The following MINDY2 variants were observed in gnomAD, a reference collection of about 807,000 sequenced individuals.
The protein encoded by MINDY2 is ubiquitin carboxyl-terminal hydrolase MINDY-2.
In MINDY2, 52 loss-of-function variants were observed where a neutral mutation model predicts 68.2. That is an observed-to-expected ratio of 0.76 (90% CI 0.61 to 0.96). MINDY2 has a LOEUF of 0.96. Ranked by LOEUF, MINDY2 falls within the 40% of genes least tolerant of loss-of-function variation. The pLI is 0.00. For missense variants in MINDY2, 881 were observed against 773.4 expected, an observed-to-expected ratio of 1.14 and a Z score of -1.65; for synonymous variants, 372 against 303.0, an observed-to-expected ratio of 1.23 and a Z score of -2.36.
intron 5 of MINDY2, among the ~76,000 whole-genome samples, chr15:58,831,041 G>GTGTGTGTATATATATATATATATATATA (rs565786025): frequency 1.8e-4 from 22 of 124,908 alleles, no homozygotes; most frequent in South Asian, 7.5e-4. Flanking sequence ...GTGTGTGTGT[G>GTGTGTGTATATATATATATATATATATA]TATATATATA....
chr15:58,825,311 T>G (rs2031322808), intron 5 of MINDY2, among the ~76,000 whole-genome samples: 1 of 152,214 alleles, frequency 6.6e-6, no homozygotes, highest in Admixed American at 6.5e-5. Context: ...GCCTTATAAG[T>G]AAAGGTGCAG....
At chr15:58,787,803 A>G (rs1280670299) in intron 1 of MINDY2, 103 bp from the exon 2 acceptor site, 7 of 646,990 alleles carry the variant, frequency 1.1e-5, no homozygotes, top group Non-Finnish European at 1.6e-5. Context: ...GTATAAGTAT[A>G]GTAGATACAT....
chr15:58,810,531 G>C, intron 4 of MINDY2, 143 bp downstream of exon 4: 1 of 737,178 alleles, frequency 1.4e-6, no homozygotes, highest in East Asian at 3.0e-5. Flanking sequence ...GTTAAGAACA[G>C]AGTCCTCCAG....
chr15:58,802,238 A>G (rs1307499557), intron 2 of MINDY2, 75 bp from the exon 3 acceptor site: 17 of 940,430 alleles, frequency 1.8e-5, no homozygotes, highest in Non-Finnish European at 2.6e-5. Context: ...ATTTATAATT[A>G]AGATCTATTA....
At chr15:58,834,661 G>A (rs527421477) in intron 6 of MINDY2, among the ~76,000 whole-genome samples, 4 of 152,146 alleles carry the variant, frequency 2.6e-5, no homozygotes, top group African/African-American at 9.6e-5. Flanking sequence ...GCCCTTATTG[G>A]TTAATACCTA....
Position 58,821,766 on chromosome 15 carries a change from T to G in MINDY2, c.1172T>G (p.Val391Gly). The part of the protein sequence containing the change: ...AVGNCSYNQL[V>G]EKIISCKQSD... ...GGTAACTGCAGCTACAACCAACTAG[T>G]GGAGAAGATCATCTCTTGTAAACAG... Residue 391 changes from valine to glycine, a missense_variant, in exon 5 of 9, where the codon GTG becomes GGG. Transcript: ENST00000559228. 1 of 1,591,542 alleles carries G rather than the reference T, an allele frequency of 6.3e-7. No homozygotes were observed. Among genetic ancestry groups the G allele is most frequent in the Non-Finnish European group, 8.5e-7 (1 of 1,172,176 alleles).
intron 3 of MINDY2, among the ~76,000 whole-genome samples, chr15:58,805,935 C>T (rs972554549): frequency 3.3e-5 from 5 of 152,014 alleles, no homozygotes; most frequent in African/African-American, 4.8e-5. Context: ...ATTAGCTGGG[C>T]GTGGTGGCAC....
chr15:58,848,236 T>C (rs1395930901), intron 7 of MINDY2, among the ~76,000 whole-genome samples: 1 of 152,164 alleles, frequency 6.6e-6, no homozygotes, highest in Non-Finnish European at 1.5e-5. Flanking sequence ...TATATTTCAC[T>C]CATAACAATT....
intron 7 of MINDY2, among the ~76,000 whole-genome samples, chr15:58,851,263 C>T (rs1347656564): frequency 1.3e-5 from 2 of 152,064 alleles, no homozygotes; most frequent in Non-Finnish European, 2.9e-5. Flanking sequence ...CGTGAGCCAC[C>T]GCACCTGGCC....
Position 58,771,854 on chromosome 15 carries a change from C to A in MINDY2, c.459C>A (p.Ser153Arg), listed in dbSNP as rs375666296. The change falls in exon 1 of 9, where the codon AGC becomes AGA. Residue 153 changes from serine (S) to arginine (R), a missense_variant. Coordinates refer to ENST00000559228, the MANE Select transcript of MINDY2 (RefSeq NM_001040450.3). ...LTAAGSEEPS[S>R]AGGLSSSCSD... ...CCGCCGGCTCCGAAGAGCCCAGCAGCGCCGGCGGCCTCAGCAGCAGTTGCA... is the reference window on the plus strand; with the variant it reads ...CCGCCGGCTCCGAAGAGCCCAGCAGAGCCGGCGGCCTCAGCAGCAGTTGCA... The A allele has an allele frequency of 6.3e-7, 1 of 1,592,632 alleles. No individual in the cohort carries two copies. The highest frequency in any genetic ancestry group is 8.5e-7 in the Non-Finnish European group (1 of 1,170,158).
At chr15:58,797,618 A>G (rs1902370210) in intron 2 of MINDY2, among the ~76,000 whole-genome samples, 1 of 152,182 alleles carries the variant, frequency 6.6e-6, no homozygotes, top group Non-Finnish European at 1.5e-5. Flanking sequence ...CTTGCATTAT[A>G]TTTCAACTGG....
intron 5 of MINDY2, among the ~76,000 whole-genome samples, chr15:58,828,204 G>A (rs920808242): frequency 1.3e-5 from 2 of 151,604 alleles, no homozygotes; most frequent in African/African-American, 4.8e-5. Context: ...AGTAAAATCT[G>A]GGCATTTGTC....
At chr15:58,813,997 G>C (rs1300793519) in intron 4 of MINDY2, among the ~76,000 whole-genome samples, 12 of 149,452 alleles carry the variant, frequency 8.0e-5, no homozygotes, top group African/African-American at 3.0e-4. Context: ...GAGTGCAGTG[G>C]CACAATCTTT....
At chr15:58,796,531 GT>G (rs550395975) in intron 2 of MINDY2, among the ~76,000 whole-genome samples, 1 of 152,268 alleles carries the variant, frequency 6.6e-6, no homozygotes, top group Admixed American at 6.5e-5. Context: ...GTTTCATTTT[GT>G]TTTGTTTTTT....
chr15:58,849,893 C>T (rs1298041186), intron 7 of MINDY2, among the ~76,000 whole-genome samples: 1 of 152,090 alleles, frequency 6.6e-6, no homozygotes, highest in Non-Finnish European at 1.5e-5. Flanking sequence ...TGTGCCACCA[C>T]ACCCGGCTAA....
intron 4 of MINDY2, among the ~76,000 whole-genome samples, chr15:58,821,199 G>A (rs2031038302): frequency 6.6e-6 from 1 of 151,422 alleles, no homozygotes; most frequent in Admixed American, 6.6e-5. Context: ...AATAACATTA[G>A]TTATCTCTAC....
intron 5 of MINDY2, among the ~76,000 whole-genome samples, chr15:58,822,881 CT>C (rs1198805818): frequency 6.6e-6 from 1 of 152,118 alleles, no homozygotes; most frequent in Non-Finnish European, 1.5e-5. Flanking sequence ...GTTTTAGTCT[CT>C]CTCAGACACA....
chr15:58,845,326 G>A (rs552919534), intron 6 of MINDY2, among the ~76,000 whole-genome samples: 1 of 151,706 alleles, frequency 6.6e-6, no homozygotes, highest in Non-Finnish European at 1.5e-5. Context: ...GAATCACTTG[G>A]ACCTGGTAGA....
chr15:58,773,269 A>C (rs1334647215), intron 1 of MINDY2, among the ~76,000 whole-genome samples: 1 of 152,240 alleles, frequency 6.6e-6, no homozygotes, highest in Non-Finnish European at 1.5e-5. Context: ...TGGGCAATAC[A>C]GTGAGACCCT....
Sources: gnomAD v4.1 joint callset for allele counts (sites outside exome capture counted in the v4.1 genomes callset) on GRCh38, gnomAD v4.1.1 for gene constraint, MANE v1.5 for transcripts, NCBI Gene and HGNC (gene_info 2026-07-23, HGNC 2026-07-21) for gene names.